Variants in YY1 observed in about 807,000 individuals in gnomAD.
The protein encoded by YY1 is YY1 transcription factor, also known as transcriptional repressor protein YY1.
In YY1, 2 loss-of-function variants were observed where a neutral mutation model predicts 35.6. That is an observed-to-expected ratio of 0.06 (90% confidence interval 0.02 to 0.18). The LOEUF (loss-of-function observed/expected upper bound fraction) is 0.18, where lower values mean the gene tolerates loss of function less well. YY1 is among the 10% of genes least tolerant of loss of function. YY1 has a pLI of 1.00. For missense variants in YY1, 322 were observed against 573.4 expected, an observed-to-expected ratio of 0.56 and a Z score of 4.48; for synonymous variants, 268 against 238.9, an observed-to-expected ratio of 1.12 and a Z score of -1.12.
chr14:100,252,591 A>T (rs79226690), intron 1 of YY1, among the ~76,000 whole-genome samples: 1 of 152,210 alleles, frequency 6.6e-6, no homozygotes, highest in African/African-American at 2.4e-5. Flanking sequence ...AGTTCCTAAC[A>T]TGATGGTTGC....
intron 2 of YY1, among the ~76,000 whole-genome samples, chr14:100,268,849 G>T (rs1891191781): frequency 1.3e-5 from 2 of 152,162 alleles, no homozygotes; most frequent in Non-Finnish European, 2.9e-5. Flanking sequence ...TATGGAAGAG[G>T]CTTATTTTCA....
At chr14:100,272,153 G>C (rs1399700418) in intron 2 of YY1, among the ~76,000 whole-genome samples, 1 of 151,908 alleles carries the variant, frequency 6.6e-6, no homozygotes, top group Non-Finnish European at 1.5e-5. Context: ...AAAATTAGCC[G>C]GGCATGGTGG....
intron 2 of YY1, among the ~76,000 whole-genome samples, chr14:100,269,626 T>C (rs1007009308): frequency 3.9e-5 from 6 of 152,194 alleles, no homozygotes. Context: ...AAAAATGACT[T>C]TTTTCATTGT....
At chr14:100,245,319 C>T (rs1004514745) in intron 1 of YY1, among the ~76,000 whole-genome samples, 2 of 152,110 alleles carry the variant, frequency 1.3e-5, no homozygotes, top group African/African-American at 2.4e-5. Flanking sequence ...TTAGTTGTTG[C>T]TTTTTAAATT....
In YY1 at chr14:100,276,917, A is replaced by C; in HGVS notation, c.1062+269A>C. On this transcript the variant is annotated intron_variant, in intron 4 of 4. Coordinates refer to ENST00000262238, the MANE Select transcript of YY1 (RefSeq NM_003403.5). This position sits in a 1 kb window ranked among gnomAD's most constrained non-coding sequence, Gnocchi z 4.1. Reference sequence around the variant, plus strand: ...CAGGAGGAGAACAGGATTGAAGAGCATACCTAAAACTCAATTTCTACTTCA... The same window carrying C: ...CAGGAGGAGAACAGGATTGAAGAGCCTACCTAAAACTCAATTTCTACTTCA... 1 of 516,174 alleles carries C rather than the reference A, an allele frequency of 1.9e-6. No homozygotes were observed. Among genetic ancestry groups the C allele is most frequent in the Non-Finnish European group, 3.5e-6 (1 of 286,968 alleles). 32.0% of individuals were successfully genotyped at this position (516,174 alleles called of 1,614,324 possible).
At chr14:100,248,748 C>T (rs1428029833) in intron 1 of YY1, among the ~76,000 whole-genome samples, 7 of 146,996 alleles carry the variant, frequency 4.8e-5, no homozygotes, top group African/African-American at 1.5e-4. Flanking sequence ...AGTGCACTGG[C>T]GCGATCTCGG....
chr14:100,248,566 G>C (rs898511796), intron 1 of YY1, among the ~76,000 whole-genome samples: 1 of 151,652 alleles, frequency 6.6e-6, no homozygotes, highest in Non-Finnish European at 1.5e-5. Context: ...TCACAGGTGT[G>C]ATCATTGTGC....
Position 100,248,643 on chromosome 14 carries a change from G to A in YY1, c.679+8720G>A, listed in dbSNP as rs1239422424. Among the ~76,000 whole-genome samples, 3 of 150,070 alleles carry A rather than the reference G, an allele frequency of 2.0e-5. No homozygotes were observed. The South Asian group carries it at 6.4e-4, about 32-fold the overall frequency. On this transcript the variant is annotated intron_variant, in intron 1 of 4. Transcript: ENST00000262238. ...TTAGCCTCCCTAGTAGCTGGGACTAGAGGTGTGTGCCATTCCACCCAGCTT... is the reference window on the plus strand; with the variant it reads ...TTAGCCTCCCTAGTAGCTGGGACTAAAGGTGTGTGCCATTCCACCCAGCTT...
intron 1 of YY1, among the ~76,000 whole-genome samples, chr14:100,243,784 A>C (rs1490112516): frequency 6.9e-6 from 1 of 145,350 alleles, no homozygotes; most frequent in Non-Finnish European, 1.5e-5. Flanking sequence ...ACTCCAGCCT[A>C]GGTGACAGTG....
intron 1 of YY1, among the ~76,000 whole-genome samples, chr14:100,241,659 T>G (rs1890744468): frequency 6.6e-6 from 1 of 152,194 alleles, no homozygotes; most frequent in Non-Finnish European, 1.5e-5. Context: ...AGAGATTACA[T>G]ACTGATCATG....
At chr14:100,262,891 G>A (rs1165249416) in intron 2 of YY1, among the ~76,000 whole-genome samples, 1 of 151,958 alleles carries the variant, frequency 6.6e-6, no homozygotes, top group Non-Finnish European at 1.5e-5. Context: ...ACTGCCTTAT[G>A]GCTTCTTGGT....
At chr14:100,245,009 T>C (rs1053179559) in intron 1 of YY1, among the ~76,000 whole-genome samples, 1 of 152,176 alleles carries the variant, frequency 6.6e-6, no homozygotes, top group Non-Finnish European at 1.5e-5. Flanking sequence ...CGATCTCGGC[T>C]CACTGCAAGC....
At position 100,239,333 on chromosome 14, in the gene YY1, C is replaced by A; in HGVS notation, c.89C>A (p.Thr30Asn). The A allele has an allele frequency of 1.2e-6, 2 of 1,605,114 alleles. No homozygotes were observed. The highest frequency in any genetic ancestry group is 1.7e-6 in the Non-Finnish European group (2 of 1,176,582). ...IVELHEIEVE[T>N]IPVETIETTV... ...GAGCTGCACGAGATCGAGGTGGAGA[C>A]CATCCCGGTGGAGACCATCGAGACC... Residue 30 changes from threonine (T) to asparagine (N), a missense_variant, in exon 1 of 5, where the codon ACC (threonine) becomes AAC (asparagine). Thr to Asn is a moderately conservative substitution (Grantham distance 65, BLOSUM62 0). Transcript: ENST00000262238.
At chr14:100,249,749 T>TTG (rs1491491211) in intron 1 of YY1, among the ~76,000 whole-genome samples, 1 of 72,692 alleles carries the variant, frequency 1.4e-5, no homozygotes, top group Non-Finnish European at 2.6e-5. Context: ...CTACTTACCG[T>TTG]TTTTTTTTTT....
chr14:100,254,779 T>TTTA (rs1566773647), intron 1 of YY1, among the ~76,000 whole-genome samples: 35 of 108,226 alleles, frequency 3.2e-4, no homozygotes, highest in Non-Finnish European at 5.9e-4. Flanking sequence ...TTATTTATTT[T>TTTA]TTTTTTTTTT....
intron 2 of YY1, chr14:100,265,177 A>G (rs1393191567): frequency 1.3e-5 from 2 of 152,286 alleles, no homozygotes; most frequent in African/African-American, 4.8e-5. Context: ...CAGGAGTTCA[A>G]GACCAGCCTG....
Position 100,277,295 on chromosome 14 carries a change from G to C in YY1, c.1063-123G>C. The C allele has an allele frequency of 8.1e-7, 1 of 1,236,326 alleles. No individual in the cohort carries two copies. The highest frequency in any genetic ancestry group is 1.2e-5 in the South Asian group (1 of 80,734). 76.6% of individuals were successfully genotyped at this position (1,236,326 alleles called of 1,614,324 possible). A position where few individuals can be genotyped will look rare whatever the true frequency, so the allele number is the denominator to read the frequency against. Reference sequence around the variant, plus strand: ...AGACTATATCCACAAAGTTCACCCAGGGCAGGAATGAAAAGTGTTTGGTAA... The same window carrying C: ...AGACTATATCCACAAAGTTCACCCACGGCAGGAATGAAAAGTGTTTGGTAA... On this transcript the variant is annotated intron_variant, in intron 4 of 4. Coordinates refer to ENST00000262238, the MANE Select transcript of YY1 (RefSeq NM_003403.5). The surrounding 1 kb of genome is among the most constrained non-coding windows in gnomAD (Gnocchi z 5.6).
chr14:100,246,139 T>C (rs1890829719), intron 1 of YY1, among the ~76,000 whole-genome samples: 1 of 152,234 alleles, frequency 6.6e-6, no homozygotes, highest in Admixed American at 6.5e-5. Context: ...AACTGCCGCA[T>C]AGATGCCTGG....
At chr14:100,268,954 A>T (rs908919226) in intron 2 of YY1, among the ~76,000 whole-genome samples, 7 of 152,358 alleles carry the variant, frequency 4.6e-5, no homozygotes, top group Non-Finnish European at 8.8e-5. Flanking sequence ...TGCTCTGCTG[A>T]TACTGTGCCA....
Sources: allele counts gnomAD v4.1 joint callset (sites outside exome capture counted in the v4.1 genomes callset), GRCh38; gene constraint gnomAD v4.1.1; non-coding constraint Gnocchi (gnomAD v3.1); transcripts MANE v1.5; gene names NCBI Gene and HGNC (gene_info 2026-07-23, HGNC 2026-07-21).